Variants in SLC22A15 observed in about 807,000 individuals in gnomAD.
SLC22A15 encodes the protein flipt 1.
Under a neutral mutation model 62.7 loss-of-function variants are expected in SLC22A15, and 45 were observed. That is an observed-to-expected ratio of 0.72 (90% confidence interval 0.56 to 0.92). The LOEUF is 0.92. Ranked by LOEUF, SLC22A15 falls within the 40% of genes least tolerant of loss-of-function variation. The pLI is 0.00. For synonymous variants in SLC22A15, 264 were observed against 267.0 expected (o/e 0.99, Z 0.11); for missense variants, 622 against 665.6 (o/e 0.93, Z 0.72).
At chr1:116,019,470 A>T (rs1656708694) in intron 2 of SLC22A15, 112 bp from the exon 3 acceptor site, 1 of 998,818 alleles carries the variant, frequency 1.0e-6, no homozygotes, top group Non-Finnish European at 1.4e-6. Context: ...ATTCTGGTTA[A>T]TAGTGGATCA....
At chr1:116,033,583 G>GTGTA (rs58369346) in intron 6 of SLC22A15, among the ~76,000 whole-genome samples, 26,663 of 144,820 alleles carry the variant, frequency 0.18, 2,488 homozygotes, top group African/African-American at 0.24. Flanking sequence ...GTGTGTGTGT[G>GTGTA]TGTGTATGTG....
At chr1:116,034,720 TC>T (rs1657568857) in intron 6 of SLC22A15, among the ~76,000 whole-genome samples, 1 of 152,192 alleles carries the variant, frequency 6.6e-6, no homozygotes, top group African/African-American at 2.4e-5. Context: ...CCACTGAAGA[TC>T]CAGTCACTTC....
chr1:116,055,269 A>G (rs567380158), intron 8 of SLC22A15, among the ~76,000 whole-genome samples: 11 of 152,352 alleles, frequency 7.2e-5, no homozygotes, highest in Non-Finnish European at 8.8e-5. Flanking sequence ...AGAGGATACT[A>G]CAAACACCTC....
intron 2 of SLC22A15, among the ~76,000 whole-genome samples, chr1:115,998,261 TTGTC>T (rs1328743416): frequency 1.3e-5 from 2 of 152,072 alleles, no homozygotes; most frequent in African/African-American, 4.8e-5. Context: ...TGGTGTGTCT[TTGTC>T]TGGTTTTGGT....
chr1:116,041,032 T>G (rs1014540832), intron 8 of SLC22A15, among the ~76,000 whole-genome samples: 2 of 152,212 alleles, frequency 1.3e-5, no homozygotes, highest in Non-Finnish European at 2.9e-5. Flanking sequence ...TGGCCAGTGT[T>G]GAAGAACCTG....
chr1:116,047,151 G>A (rs72996757), intron 8 of SLC22A15, among the ~76,000 whole-genome samples: 7,687 of 152,178 alleles, frequency 0.051, 272 homozygotes, highest in African/African-American at 0.092. Flanking sequence ...AAAACTGGCC[G>A]CGCACAGTGG....
chr1:116,031,735 T>C (rs896037626), intron 6 of SLC22A15, 154 bp downstream of exon 6: 5 of 1,443,432 alleles, frequency 3.5e-6, no homozygotes, highest in Non-Finnish European at 4.5e-6. Flanking sequence ...CCTTAGCGCC[T>C]GGTTTTCTGC....
intron 2 of SLC22A15, among the ~76,000 whole-genome samples, chr1:116,011,395 C>G (rs185822663): frequency 6.6e-6 from 1 of 152,240 alleles, no homozygotes; most frequent in Admixed American, 6.5e-5. Context: ...GAATGGCATT[C>G]GGTGGCTCCA....
chr1:116,066,817 A>G, intron 11 of SLC22A15, 109 bp downstream of exon 11: 1 of 1,136,712 alleles, frequency 8.8e-7, no homozygotes. Context: ...GGAAAACAAA[A>G]GTGGGATCTA....
intron 2 of SLC22A15, among the ~76,000 whole-genome samples, chr1:116,017,147 C>T (rs559040328): frequency 2.0e-4 from 30 of 151,958 alleles, no homozygotes; most frequent in African/African-American, 5.8e-4. Flanking sequence ...TTATTTTCCC[C>T]GAAGAGTTTT....
At chr1:116,002,989 G>A (rs775905759) in intron 2 of SLC22A15, among the ~76,000 whole-genome samples, 7 of 152,120 alleles carry the variant, frequency 4.6e-5, no homozygotes, top group Non-Finnish European at 8.8e-5. Flanking sequence ...TCTTGTCCAA[G>A]GCTTATGGTG....
At chr1:116,045,822 A>C (rs1166043966) in intron 8 of SLC22A15, among the ~76,000 whole-genome samples, 1 of 152,102 alleles carries the variant, frequency 6.6e-6, no homozygotes, top group African/African-American at 2.4e-5. Context: ...CTCTATAGAT[A>C]ATGGAACAGA....
chr1:115,980,501 A>G (rs1056720533), intron 1 of SLC22A15, among the ~76,000 whole-genome samples: 1 of 152,208 alleles, frequency 6.6e-6, no homozygotes, highest in African/African-American at 2.4e-5. Context: ...AAATAAATGA[A>G]CTAGATCTAT....
chr1:116,017,181 A>G (rs913251306), intron 2 of SLC22A15, among the ~76,000 whole-genome samples: 1 of 151,926 alleles, frequency 6.6e-6, no homozygotes, highest in Non-Finnish European at 1.5e-5. Flanking sequence ...ACTTGTCATC[A>G]TCCAGGTCAC....
chr1:116,035,087 A>G lies in SLC22A15; in HGVS notation c.945-100A>G, dbSNP rs949563722. ...ATTGCTTACAGCAGATCAAGCAATTATATTGAACCAATATTTGAATCTCCT... is the reference window on the plus strand; with the variant it reads ...ATTGCTTACAGCAGATCAAGCAATTGTATTGAACCAATATTTGAATCTCCT... On this transcript the variant is annotated intron_variant, in intron 6 of 11. Transcript: ENST00000369503. The G allele has an allele frequency of 4.0e-6, 5 of 1,248,800 alleles. No individual in the cohort carries two copies. In the African/African-American group the frequency reaches 7.5e-5, roughly 19 times the overall value. The allele number at this position is 1,248,800 out of a possible 1,614,324, so 77.4% of individuals were successfully genotyped here.
At chr1:115,983,843 A>G (rs559379728) in intron 1 of SLC22A15, among the ~76,000 whole-genome samples, 4 of 152,278 alleles carry the variant, frequency 2.6e-5, no homozygotes, top group African/African-American at 7.2e-5. Flanking sequence ...AAGCTATGTG[A>G]GGCACTAAGG....
chr1:115,985,650 T>C (rs967869584), intron 1 of SLC22A15, among the ~76,000 whole-genome samples: 1 of 151,968 alleles, frequency 6.6e-6, no homozygotes, highest in Non-Finnish European at 1.5e-5. Flanking sequence ...ACCATTTTAC[T>C]TGAAAAAGAG....
chr1:116,037,206 T>A (rs1286454979), intron 7 of SLC22A15, 97 bp from the exon 8 acceptor site: 5 of 1,046,126 alleles, frequency 4.8e-6, no homozygotes, highest in Middle Eastern at 2.1e-4. Flanking sequence ...TGAACATATA[T>A]AATGAAACTG....
intron 4 of SLC22A15, 113 bp from the exon 5 acceptor site, chr1:116,026,780 G>T: frequency 2.4e-6 from 3 of 1,258,692 alleles, no homozygotes; most frequent in South Asian, 1.6e-5. Context: ...TCTTATAGTT[G>T]CCAGCATAGG....
Sources: gnomAD v4.1 joint callset for allele counts (sites outside exome capture counted in the v4.1 genomes callset) on GRCh38, gnomAD v4.1.1 for gene constraint, MANE v1.5 for transcripts, NCBI Gene and HGNC (gene_info 2026-07-23, HGNC 2026-07-21) for gene names.